LRBA: variants seen among roughly 807,000 people sequenced by gnomAD.
LRBA encodes the protein lipopolysaccharide-responsive and beige-like anchor protein.
A neutral mutation model predicts 330.0 loss-of-function variants in LRBA; 176 were observed. The ratio of observed to expected loss-of-function variants is 0.53; its 90% CI spans 0.47 to 0.60. The LOEUF (loss-of-function observed/expected upper bound fraction) is 0.60, where lower values mean the gene tolerates loss of function less well. LRBA is among the 20% of genes least tolerant of loss of function. LRBA has a pLI of 0.00. For synonymous variants in LRBA, 1,230 were observed against 1,193.0 expected (o/e 1.03, Z -0.64); for missense variants, 3,259 against 3,444.8 (o/e 0.95, Z 1.35).
In LRBA at chr4:150,768,444, T is replaced by C. The variant is rs193183245; in HGVS notation, c.5581-6597A>G. On this transcript the variant is annotated intron_variant, in intron 34 of 56. Transcript: ENST00000651943. Reference sequence around the variant, plus strand: ...CCTATGCTGTGTAGCCATCCTACCATGGTAAACATTGGAAGTTTATTTTCC... The same window carrying C: ...CCTATGCTGTGTAGCCATCCTACCACGGTAAACATTGGAAGTTTATTTTCC... 5.1e-4 allele frequency among the ~76,000 whole-genome samples: 78 copies of C among 152,270 alleles called. 1 individual carries two copies. Among genetic ancestry groups the C allele is most frequent in the Non-Finnish European group, 6.2e-4 (42 of 68,012 alleles).
intron 44 of LRBA, among the ~76,000 whole-genome samples, chr4:150,447,026 C>G (rs964690457): frequency 6.6e-6 from 1 of 152,070 alleles, no homozygotes; most frequent in African/African-American, 2.4e-5. Context: ...CAGTAAAGCT[C>G]GGATTTAGAA....
At chr4:150,689,879 T>C (rs1301232462) in intron 36 of LRBA, among the ~76,000 whole-genome samples, 2 of 151,996 alleles carry the variant, frequency 1.3e-5, no homozygotes, top group African/African-American at 2.4e-5. Flanking sequence ...AAGCCGAGAT[T>C]GTGCCACTGC....
At chr4:150,627,790 T>C (rs887921226) in intron 37 of LRBA, among the ~76,000 whole-genome samples, 3 of 152,046 alleles carry the variant, frequency 2.0e-5, no homozygotes, top group Non-Finnish European at 4.4e-5. Context: ...CTGGAATGTC[T>C]TTTTTGCCCT....
chr4:150,579,676 G>A (rs1472861657), intron 40 of LRBA: 1 of 456,630 alleles, frequency 2.2e-6, no homozygotes, highest in Non-Finnish European at 4.4e-6. Context: ...AGGTGCAGCG[G>A]AGTGTCCGGC....
At position 150,583,050 on chromosome 4, in the gene LRBA, G is replaced by C; in HGVS notation, c.6330+4998C>G. 6.2e-7 allele frequency: 1 copy of C among 1,605,992 alleles called. No homozygotes were observed. On this transcript the variant is annotated intron_variant, in intron 40 of 56. Transcript: ENST00000651943. This position sits in a 1 kb window ranked among gnomAD's most constrained non-coding sequence, Gnocchi z 9.8. ...CCAACATGATCGCCGCTCAGGCCAA[G>C]CTGGTTTACCAGCTCAATAAGTACT...
intron 2 of LRBA, among the ~76,000 whole-genome samples, chr4:150,971,941 G>GA (rs573394905): frequency 2.6e-3 from 390 of 152,150 alleles, no homozygotes; most frequent in Non-Finnish European, 4.1e-3. Context: ...AGATTAGGGA[G>GA]AAAAAATGCA....
intron 42 of LRBA, among the ~76,000 whole-genome samples, chr4:150,481,748 CA>C (rs1448246126): frequency 1.3e-5 from 2 of 151,982 alleles, no homozygotes; most frequent in Non-Finnish European, 2.9e-5. Flanking sequence ...TTGCATGTAC[CA>C]GTAGTCATTT....
At chr4:150,697,330 A>C (rs1231486261) in intron 36 of LRBA, among the ~76,000 whole-genome samples, 1 of 142,154 alleles carries the variant, frequency 7.0e-6, no homozygotes, top group Non-Finnish European at 1.5e-5. Flanking sequence ...TCTCAGAAAA[A>C]AAAAAAAAAA....
At chr4:150,928,654 T>C in intron 3 of LRBA, 38 bp from the exon 4 acceptor site, 1 of 1,513,716 alleles carries the variant, frequency 6.6e-7, no homozygotes, top group South Asian at 1.1e-5. Context: ...ACTCAGCTAG[T>C]TATATTTCTC....
rs777966411 is a variant in LRBA at position 150,490,962 on chromosome 4, T to C, written c.6404A>G (p.Tyr2135Cys). Residue 2135 changes from tyrosine (Y) to cysteine (C), a missense_variant, in exon 41 of 57, where the codon TAT becomes TGT. Tyr to Cys is a radical substitution (Grantham distance 194, BLOSUM62 -2). Transcript: ENST00000651943. The stretch of plus-strand genomic sequence containing the variant: ...CTCCAGGGCTGTATTTTGCAAAAGA[T>C]AACGACGAGAAAAGATTGATCGTAT... ...TEIRSIFSRRYLLQNTALEIF... is the reference protein window; with the variant it reads ...TEIRSIFSRRCLLQNTALEIF... 8.1e-6 allele frequency: 13 copies of C among 1,609,948 alleles called. No homozygotes were observed. The highest frequency in any genetic ancestry group is 1.1e-5 in the Non-Finnish European group (13 of 1,177,398).
chr4:150,482,526 T>C (rs1405807668), intron 42 of LRBA, among the ~76,000 whole-genome samples: 1 of 152,064 alleles, frequency 6.6e-6, no homozygotes, highest in Admixed American at 6.6e-5. Context: ...TGAACATATA[T>C]TTTCATTCCT....
At chr4:150,676,800 A>AC (rs771586752) in intron 37 of LRBA, among the ~76,000 whole-genome samples, 54 of 152,194 alleles carry the variant, frequency 3.5e-4, no homozygotes, top group Admixed American at 3.3e-4. Context: ...AAGTTCAAGC[A>AC]CCCCCAAACT....
intron 2 of LRBA, among the ~76,000 whole-genome samples, chr4:151,005,144 G>T (rs191844401): frequency 6.6e-6 from 1 of 151,502 alleles, no homozygotes; most frequent in East Asian, 2.0e-4. Context: ...CAGAATCCAA[G>T]ATTATAAAAC....
At chr4:150,353,415 A>G (rs1409515465) in intron 47 of LRBA, among the ~76,000 whole-genome samples, 2 of 152,204 alleles carry the variant, frequency 1.3e-5, no homozygotes, top group Non-Finnish European at 2.9e-5. Flanking sequence ...TTGTGATTTG[A>G]GACCATAAAA....
At position 150,267,510 on chromosome 4, in the gene LRBA, A is replaced by G. The variant is rs1745511899; in HGVS notation, c.8469-1698T>C. On this transcript the variant is annotated intron_variant, in intron 56 of 56. Transcript: ENST00000651943. ...AAATACAACAAGCCAAAACTTATGA[A>G]ATGCAGCAAAAGCAATGCTAAAATG... 2.6e-5 allele frequency among the ~76,000 whole-genome samples: 4 copies of G among 152,358 alleles called. 1 individual carries two copies. The South Asian group carries it at 8.3e-4, about 32-fold the overall frequency.
intron 53 of LRBA, among the ~76,000 whole-genome samples, chr4:150,297,789 G>C (rs1729153593): frequency 6.6e-6 from 1 of 152,106 alleles, no homozygotes; most frequent in Admixed American, 6.5e-5. Context: ...CACCAACTGT[G>C]GTGCTTTGTT....
intron 40 of LRBA, among the ~76,000 whole-genome samples, chr4:150,501,110 T>C (rs1760199227): frequency 6.6e-6 from 1 of 152,222 alleles, no homozygotes; most frequent in African/African-American, 2.4e-5. Flanking sequence ...ACATTATGAA[T>C]AAAACTTAAA....
intron 34 of LRBA, among the ~76,000 whole-genome samples, chr4:150,790,774 C>T (rs1194434721): frequency 1.3e-5 from 2 of 152,150 alleles, no homozygotes; most frequent in African/African-American, 2.4e-5. Context: ...GTTTTTACTG[C>T]GCACAAAATG....
chr4:150,805,215 G>GAAGGA (rs144565808), intron 33 of LRBA, among the ~76,000 whole-genome samples: 23 of 113,340 alleles, frequency 2.0e-4, no homozygotes, highest in African/African-American at 7.2e-4. Context: ...AGGAAGGAAG[G>GAAGGA]AAGGAAAGGA....
Sources: allele counts gnomAD v4.1 joint callset (sites outside exome capture counted in the v4.1 genomes callset), GRCh38; gene constraint gnomAD v4.1.1; non-coding constraint Gnocchi (gnomAD v3.1); transcripts MANE v1.5; gene names NCBI Gene and HGNC (gene_info 2026-07-23, HGNC 2026-07-21).